Variants in SLC26A7 observed in about 807,000 individuals in gnomAD.
SLC26A7 encodes the protein anion exchange transporter.
In SLC26A7, 59 loss-of-function variants were observed where a neutral mutation model predicts 82.5. That is an observed-to-expected ratio of 0.72 (90% CI 0.58 to 0.89). The LOEUF is 0.89. Ranked by LOEUF, SLC26A7 falls within the 40% of genes least tolerant of loss-of-function variation. The pLI, the probability that SLC26A7 is intolerant of heterozygous loss-of-function variation, is 0.00. For missense variants in SLC26A7, 820 were observed against 793.0 expected (o/e 1.03, Z -0.41); for synonymous variants, 271 against 274.3 (o/e 0.99, Z 0.12).
rs539889663 is a variant in SLC26A7 at position 91,226,725 on chromosome 8, A to G, written c.-34+7720A>G. Among the ~76,000 whole-genome samples the G allele has an allele frequency of 4.6e-5, 7 of 152,378 alleles. No individual in the cohort carries two copies. In the East Asian group the frequency reaches 1.2e-3, roughly 25 times the overall value. On this transcript the variant is annotated intron_variant, in intron 2 of 5. Transcript: ENST00000522862. ...AATATAATGATAAGTACTTTGGTGA[A>G]GTAAAAGGGGATCCAGAAGATAGAG...
rs377593422 is a variant in SLC26A7 at position 91,343,377 on chromosome 8, A to C, written c.1051A>C (p.Asn351His). Residue 351 changes from asparagine to histidine, a missense_variant, in exon 9 of 19, where the codon AAT (asparagine) becomes CAT (histidine). By Grantham distance (68) the Asn-to-His change is moderately conservative. Coordinates refer to ENST00000276609, the MANE Select transcript of SLC26A7 (RefSeq NM_052832.4). ...GGAATTTTTGGCCCATGGCCTCAGC[A>C]ATATAGTTTCTTCATTTTTCTTCTG... The part of the protein sequence containing the change: ...NQEFLAHGLS[N>H]IVSSFFFCIP... 6.2e-7 allele frequency: 1 copy of C among 1,611,540 alleles called. No homozygotes were observed. The highest frequency in any genetic ancestry group is 1.3e-5 in the African/African-American group (1 of 75,002).
chr8:91,357,311 A>G (rs1813897582), intron 11 of SLC26A7: 2 of 152,238 alleles, frequency 1.3e-5, no homozygotes, highest in East Asian at 1.9e-4. Context: ...TTATCATCCA[A>G]ATTTCACAGT....
chr8:91,215,626 G>C (rs963335911), intron 1 of SLC26A7, among the ~76,000 whole-genome samples: 1 of 152,078 alleles, frequency 6.6e-6, no homozygotes, highest in Non-Finnish European at 1.5e-5. Flanking sequence ...AAAGCTTTTT[G>C]CTAAAATGAT....
intron 4 of SLC26A7, among the ~76,000 whole-genome samples, chr8:91,298,477 C>A (rs1812074541): frequency 6.6e-6 from 1 of 151,864 alleles, no homozygotes; most frequent in Admixed American, 6.6e-5. Flanking sequence ...AGTTTGTTTT[C>A]TATGTAAGAC....
chr8:91,340,038 A>G (rs889735457), intron 7 of SLC26A7, among the ~76,000 whole-genome samples: 1 of 152,178 alleles, frequency 6.6e-6, no homozygotes, highest in African/African-American at 2.4e-5. Flanking sequence ...GAGGAAATGT[A>G]GTCTTCAACA....
chr8:91,295,220 C>T (rs569253655), intron 3 of SLC26A7, among the ~76,000 whole-genome samples: 130 of 152,186 alleles, frequency 8.5e-4, no homozygotes, highest in African/African-American at 2.5e-3. Flanking sequence ...AAATCCAGGC[C>T]GTAATCTTAT....
At chr8:91,319,802 AC>A (rs1812740503) in intron 5 of SLC26A7, among the ~76,000 whole-genome samples, 1 of 152,184 alleles carries the variant, frequency 6.6e-6, no homozygotes, top group African/African-American at 2.4e-5. Context: ...ACTGTCCATT[AC>A]CACTTGGCCT....
At chr8:91,366,534 A>G (rs1158901406) in intron 13 of SLC26A7, 46 bp from the exon 14 acceptor site, 4 of 1,589,108 alleles carry the variant, frequency 2.5e-6, no homozygotes, top group Non-Finnish European at 1.7e-6. Flanking sequence ...TTTATTGGCT[A>G]TAATTTTCTA....
At chr8:91,303,343 G>T (rs1331474022) in intron 4 of SLC26A7, among the ~76,000 whole-genome samples, 1 of 152,120 alleles carries the variant, frequency 6.6e-6, no homozygotes, top group Non-Finnish European at 1.5e-5. Context: ...TCCAAGAGGG[G>T]TCTGGGATTG....
At chr8:91,315,779 G>A (rs1257283815) in intron 4 of SLC26A7, among the ~76,000 whole-genome samples, 1 of 152,074 alleles carries the variant, frequency 6.6e-6, no homozygotes, top group Non-Finnish European at 1.5e-5. Context: ...TTCGAAACTG[G>A]TGACTGGTTT....
chr8:91,271,656 G>A (rs1406148727), intron 2 of SLC26A7, among the ~76,000 whole-genome samples: 1 of 148,262 alleles, frequency 6.7e-6, no homozygotes, highest in Non-Finnish European at 1.5e-5. Flanking sequence ...ATGCAGTGGC[G>A]TGATCTTGGC....
intron 2 of SLC26A7, among the ~76,000 whole-genome samples, chr8:91,258,142 G>C (rs1409046808): frequency 6.6e-6 from 1 of 151,940 alleles, no homozygotes; most frequent in Non-Finnish European, 1.5e-5. Flanking sequence ...TGAGATTTTG[G>C]GGGGTCACAG....
At chr8:91,355,976 T>C (rs1813855481) in intron 11 of SLC26A7, among the ~76,000 whole-genome samples, 2 of 151,798 alleles carry the variant, frequency 1.3e-5, no homozygotes, top group Non-Finnish European at 2.9e-5. Flanking sequence ...GAACATACAG[T>C]GTTTGATTTT....
intron 11 of SLC26A7, among the ~76,000 whole-genome samples, chr8:91,361,103 A>G (rs1253969107): frequency 1.3e-5 from 2 of 152,168 alleles, no homozygotes; most frequent in Non-Finnish European, 2.9e-5. Flanking sequence ...CTTTTACTCC[A>G]TAATGTGTGT....
In SLC26A7 at chr8:91,393,997, T is replaced by G; in HGVS notation, c.1893T>G (p.Phe631Leu). The G allele has an allele frequency of 6.2e-7, 1 of 1,613,772 alleles. No homozygotes were observed. The highest frequency in any genetic ancestry group is 8.5e-7 in the Non-Finnish European group (1 of 1,179,686). Residue 631 changes from phenylalanine (F) to leucine (L), a missense_variant, in exon 18 of 19, where the codon TTT becomes TTG. Coordinates refer to ENST00000276609, the MANE Select transcript of SLC26A7 (RefSeq NM_052832.4). The part of the protein sequence containing the change: ...GNLDSEKPIF[F>L]ESVSAAISHI... Reference sequence around the variant, plus strand: ...TAGACTCAGAGAAACCAATTTTTTTTGAATCGGTATCTGCTGCAATAAGTC... The same window carrying G: ...TAGACTCAGAGAAACCAATTTTTTTGGAATCGGTATCTGCTGCAATAAGTC...
chr8:91,350,314 G>A (rs1355548862), intron 9 of SLC26A7, among the ~76,000 whole-genome samples: 2 of 151,392 alleles, frequency 1.3e-5, no homozygotes, highest in African/African-American at 4.9e-5. Flanking sequence ...ACATATGCAT[G>A]TAAGCAATTG....
At chr8:91,362,222 T>C (rs1304133130) in intron 11 of SLC26A7, 131 bp from the exon 12 acceptor site, 8 of 604,604 alleles carry the variant, frequency 1.3e-5, no homozygotes, top group Non-Finnish European at 2.0e-5. Context: ...TTACCACTTG[T>C]TAAATAATAT....
At chr8:91,353,287 T>G (rs1333665602) in intron 11 of SLC26A7, among the ~76,000 whole-genome samples, 1 of 152,132 alleles carries the variant, frequency 6.6e-6, no homozygotes, top group Non-Finnish European at 1.5e-5. Flanking sequence ...CAATATGAAT[T>G]AATTTTGGAA....
chr8:91,394,203 C>G, intron 18 of SLC26A7, 164 bp downstream of exon 18: 1 of 1,611,330 alleles, frequency 6.2e-7, no homozygotes, highest in Non-Finnish European at 8.5e-7. Context: ...AAGAATGTTT[C>G]CATTCTTTTT....
Sources: gnomAD v4.1 joint callset for allele counts (sites outside exome capture counted in the v4.1 genomes callset) on GRCh38, gnomAD v4.1.1 for gene constraint, MANE v1.5 for transcripts, NCBI Gene and HGNC (gene_info 2026-07-23, HGNC 2026-07-21) for gene names.